Variants in ATP8B4 observed in about 807,000 individuals in gnomAD.
The protein encoded by ATP8B4 is ATPase phospholipid transporting 8B4 (putative).
A neutral mutation model predicts 145.6 loss-of-function variants in ATP8B4; 133 were observed. The observed-to-expected ratio is 0.91, with a 90% CI of 0.79 to 1.05. The LOEUF is 1.05. Among genes scored for constraint, ATP8B4 ranks in the 50% least tolerant of loss-of-function variants. The probability of loss-of-function intolerance (pLI) is 0.00; values close to 1 mark genes in which losing one functional copy is unlikely to be tolerated. For missense variants in ATP8B4, 1,458 were observed against 1,425.2 expected, an observed-to-expected ratio of 1.02 and a Z score of -0.37; for synonymous variants, 507 against 492.9, an observed-to-expected ratio of 1.03 and a Z score of -0.38.
intron 1 of ATP8B4, among the ~76,000 whole-genome samples, chr15:50,109,019 C>G (rs939029972): frequency 2.6e-5 from 4 of 152,296 alleles, no homozygotes; most frequent in African/African-American, 9.6e-5. Context: ...CAGACCCCGG[C>G]CCCAAAATGT....
chr15:50,004,712 C>T (rs557786231), intron 7 of ATP8B4, among the ~76,000 whole-genome samples: 1 of 152,200 alleles, frequency 6.6e-6, no homozygotes, highest in African/African-American at 2.4e-5. Flanking sequence ...AAAGTAAGGC[C>T]CAGAGGGCTT....
intron 2 of ATP8B4, among the ~76,000 whole-genome samples, chr15:50,089,584 C>T (rs904188484): frequency 6.6e-6 from 1 of 151,998 alleles, no homozygotes; most frequent in Non-Finnish European, 1.5e-5. Flanking sequence ...CTATCTCACA[C>T]GAGTCAGAAT....
At chr15:49,988,403 T>C in intron 9 of ATP8B4, among the ~76,000 whole-genome samples, 1 of 151,910 alleles carries the variant, frequency 6.6e-6, no homozygotes, top group East Asian at 1.9e-4. Context: ...ATTTTTTATA[T>C]ATAATGAGTA....
At chr15:50,026,730 C>G (rs962677124) in intron 6 of ATP8B4, among the ~76,000 whole-genome samples, 1 of 152,178 alleles carries the variant, frequency 6.6e-6, no homozygotes. Context: ...TGAACCTCAG[C>G]CTCCTGACAC....
At chr15:50,000,977 T>G (rs550009491) in intron 8 of ATP8B4, among the ~76,000 whole-genome samples, 1 of 152,228 alleles carries the variant, frequency 6.6e-6, no homozygotes, top group Admixed American at 6.5e-5. Context: ...TTGTAGTATT[T>G]CTTTTTTACC....
intron 7 of ATP8B4, among the ~76,000 whole-genome samples, chr15:50,007,805 CA>C (rs199819729): frequency 3.4e-5 from 5 of 147,512 alleles, no homozygotes; most frequent in East Asian, 2.0e-4. Flanking sequence ...AATGGTTCAC[CA>C]AAAAAAAAAT....
chr15:50,162,523 T>G (rs896305269), intron 1 of ATP8B4, among the ~76,000 whole-genome samples: 1 of 152,118 alleles, frequency 6.6e-6, no homozygotes, highest in Non-Finnish European at 1.5e-5. Flanking sequence ...TTTTTTCTTT[T>G]TTAGATGGAG....
At chr15:50,069,656 G>A (rs2053598673) in intron 3 of ATP8B4, among the ~76,000 whole-genome samples, 1 of 152,138 alleles carries the variant, frequency 6.6e-6, no homozygotes, top group Admixed American at 6.6e-5. Flanking sequence ...AAAGTGATTA[G>A]GGTTTGTTTT....
chr15:50,020,006 T>G (rs868378740), intron 6 of ATP8B4, among the ~76,000 whole-genome samples: 8 of 151,966 alleles, frequency 5.3e-5, no homozygotes, highest in Non-Finnish European at 8.8e-5. Context: ...TTGCCCAGAC[T>G]GGAGTGCATG....
intron 5 of ATP8B4, among the ~76,000 whole-genome samples, chr15:50,042,477 A>T (rs2051372181): frequency 1.3e-5 from 2 of 152,114 alleles, no homozygotes; most frequent in Admixed American, 1.3e-4. Flanking sequence ...TTTCTCCATA[A>T]TATCTTCCCT....
chr15:50,019,785 T>A (rs1214765708), intron 6 of ATP8B4, among the ~76,000 whole-genome samples: 1 of 152,164 alleles, frequency 6.6e-6, no homozygotes, highest in Non-Finnish European at 1.5e-5. Context: ...TCTTCAAACC[T>A]TTTCTTTGTT....
intron 1 of ATP8B4, among the ~76,000 whole-genome samples, chr15:50,166,625 T>C (rs1341424958): frequency 2.6e-5 from 4 of 152,094 alleles, no homozygotes; most frequent in African/African-American, 9.7e-5. Flanking sequence ...CTTACTTGAG[T>C]ACAATAGTCT....
intron 2 of ATP8B4, among the ~76,000 whole-genome samples, chr15:50,078,635 A>G (rs2054343117): frequency 6.6e-6 from 1 of 152,122 alleles, no homozygotes; most frequent in African/African-American, 2.4e-5. Context: ...GCTCCAGAGT[A>G]AGATGTAACT....
chr15:50,110,007 A>C (rs2056862899), intron 1 of ATP8B4, among the ~76,000 whole-genome samples: 1 of 152,214 alleles, frequency 6.6e-6, no homozygotes, highest in African/African-American at 2.4e-5. Flanking sequence ...TGCTACTGTT[A>C]ATTTCTCCAA....
At chr15:49,998,531 A>T (rs2047614637) in intron 8 of ATP8B4, among the ~76,000 whole-genome samples, 1 of 152,158 alleles carries the variant, frequency 6.6e-6, no homozygotes, top group Admixed American at 6.5e-5. Context: ...GGCTGCATAA[A>T]TGTCTTCTTT....
intron 1 of ATP8B4, among the ~76,000 whole-genome samples, chr15:50,179,701 A>G (rs2044816247): frequency 6.6e-6 from 1 of 152,174 alleles, no homozygotes. Flanking sequence ...GGCCCCAGAG[A>G]GGTAATTTGT....
chr15:49,908,073 T>C (rs1310248721), intron 20 of ATP8B4: 1 of 455,912 alleles, frequency 2.2e-6, no homozygotes, highest in African/African-American at 2.0e-5. Flanking sequence ...TCCTCATATG[T>C]CCAACAGGGA....
intron 19 of ATP8B4, among the ~76,000 whole-genome samples, chr15:49,917,964 G>A (rs2153452198): frequency 6.6e-6 from 1 of 152,260 alleles, no homozygotes; most frequent in South Asian, 2.1e-4. Flanking sequence ...ACTTTCTACT[G>A]TTTATTTTTT....
chr15:49,936,311 G>A (rs1345111648), intron 14 of ATP8B4, among the ~76,000 whole-genome samples: 1 of 152,032 alleles, frequency 6.6e-6, no homozygotes, highest in Non-Finnish European at 1.5e-5. Flanking sequence ...TGATTCTCTT[G>A]CTTTGTTGTA....
Sources: allele counts gnomAD v4.1 joint callset (sites outside exome capture counted in the v4.1 genomes callset), GRCh38; gene constraint gnomAD v4.1.1; transcripts MANE v1.5; gene names NCBI Gene and HGNC (gene_info 2026-07-23, HGNC 2026-07-21).